Variants in NTRK2 observed in about 807,000 individuals in gnomAD.
NTRK2 encodes neurotrophic receptor tyrosine kinase 2, also known as BDNF/NT-3 growth factors receptor.
Under a neutral mutation model 94.5 loss-of-function variants are expected in NTRK2, and 13 were observed. The observed-to-expected ratio is 0.14, with a 90% confidence interval of 0.09 to 0.22. NTRK2 has a LOEUF of 0.22. Among genes scored for constraint, NTRK2 ranks in the 10% least tolerant of loss-of-function variants. The pLI is 1.00. For synonymous variants in NTRK2, 372 were observed against 407.4 expected (o/e 0.91, Z 1.05); for missense variants, 639 against 1,071.2 (o/e 0.60, Z 5.63).
intron 12 of NTRK2, among the ~76,000 whole-genome samples, chr9:84,843,160 T>G (rs2074278612): frequency 6.6e-6 from 1 of 152,188 alleles, no homozygotes; most frequent in Non-Finnish European, 1.5e-5. Flanking sequence ...TAGGTGCTAA[T>G]TCTTCCTACT....
intron 12 of NTRK2, among the ~76,000 whole-genome samples, chr9:84,800,242 G>T (rs1243155900): frequency 6.6e-6 from 1 of 151,104 alleles, no homozygotes; most frequent in Non-Finnish European, 1.5e-5. Context: ...TCGCTCTGTC[G>T]CCCAGGCTGG....
chr9:84,788,064 C>T (rs950956159), intron 12 of NTRK2, among the ~76,000 whole-genome samples: 5 of 152,116 alleles, frequency 3.3e-5, no homozygotes, highest in Admixed American at 2.6e-4. Flanking sequence ...AAAAGCTTGG[C>T]ATATGGTTTG....
intron 12 of NTRK2, among the ~76,000 whole-genome samples, chr9:84,859,269 C>T: frequency 6.6e-6 from 1 of 152,134 alleles, no homozygotes; most frequent in Non-Finnish European, 1.5e-5. Context: ...TTCAGCAATT[C>T]CTGTAAGGGG....
At chr9:84,834,409 A>G (rs547339219) in intron 12 of NTRK2, among the ~76,000 whole-genome samples, 1 of 152,256 alleles carries the variant, frequency 6.6e-6, no homozygotes, top group Admixed American at 6.5e-5. Flanking sequence ...TGTGCCCTGG[A>G]GGCTGCCCCC....
At chr9:84,694,046 G>T (rs1208186274) in intron 2 of NTRK2, among the ~76,000 whole-genome samples, 1 of 152,138 alleles carries the variant, frequency 6.6e-6, no homozygotes, top group Non-Finnish European at 1.5e-5. Flanking sequence ...ATTTGTAAAG[G>T]TCCATTGTGC....
chr9:84,947,693 A>G (rs1199226775), intron 15 of NTRK2, among the ~76,000 whole-genome samples: 1 of 152,252 alleles, frequency 6.6e-6, no homozygotes, highest in Non-Finnish European at 1.5e-5. Context: ...CTATTTGCCC[A>G]TAAGTGCCTG....
chr9:84,890,949 AT>A (rs1221568302), intron 14 of NTRK2, among the ~76,000 whole-genome samples: 3 of 152,190 alleles, frequency 2.0e-5, no homozygotes, highest in Non-Finnish European at 2.9e-5. Flanking sequence ...CTCAGATTTT[AT>A]TTTAAACATA....
At chr9:84,888,818 C>T (rs1474307963) in intron 14 of NTRK2, among the ~76,000 whole-genome samples, 2 of 151,308 alleles carry the variant, frequency 1.3e-5, no homozygotes, top group Non-Finnish European at 2.9e-5. Flanking sequence ...CACCTGACCC[C>T]AGAGACCTGC....
chr9:84,757,355 C>A (rs1296210406), intron 12 of NTRK2, among the ~76,000 whole-genome samples: 7 of 152,164 alleles, frequency 4.6e-5, no homozygotes, highest in African/African-American at 9.7e-5. Flanking sequence ...TGTAAACAAT[C>A]AAATATATGG....
At chr9:84,742,816 T>C (rs10868226) in intron 10 of NTRK2, among the ~76,000 whole-genome samples, 79,087 of 136,552 alleles carry the variant, frequency 0.58, 24,915 homozygotes, top group South Asian at 0.69. Flanking sequence ...TTTTTTTTTT[T>C]CCGAGACGGA....
intron 2 of NTRK2, among the ~76,000 whole-genome samples, chr9:84,685,368 T>C (rs975025314): frequency 2.0e-5 from 3 of 151,762 alleles, no homozygotes; most frequent in Non-Finnish European, 2.9e-5. Flanking sequence ...GCTTCTTCTT[T>C]TTTTTTTTTT....
chr9:84,812,318 G>A (rs200614920), intron 12 of NTRK2: 16 of 1,057,732 alleles, frequency 1.5e-5, no homozygotes, highest in Non-Finnish European at 1.7e-5. Context: ...CCTATGGATT[G>A]CAGCATTTCA....
At chr9:84,941,051 G>C (rs1211192193) in intron 15 of NTRK2, among the ~76,000 whole-genome samples, 5 of 152,152 alleles carry the variant, frequency 3.3e-5, no homozygotes, top group Admixed American at 6.5e-5. Flanking sequence ...AAAATAGTTT[G>C]TGTCAACATG....
At chr9:84,872,973 G>A in intron 14 of NTRK2, 2 of 1,064,592 alleles carry the variant, frequency 1.9e-6, no homozygotes, top group Non-Finnish European at 2.3e-6. Context: ...GAACCGCAGA[G>A]GTTTTGAACA....
At chr9:84,792,701 T>C (rs1328359572) in intron 12 of NTRK2, among the ~76,000 whole-genome samples, 1 of 151,034 alleles carries the variant, frequency 6.6e-6, no homozygotes, top group Admixed American at 6.6e-5. Flanking sequence ...GTCATCTCAA[T>C]TGATTCTTTC....
intron 14 of NTRK2, chr9:84,875,879 A>G (rs970463365): frequency 1.9e-6 from 2 of 1,039,414 alleles, no homozygotes; most frequent in African/African-American, 1.7e-5. Context: ...TATTTTGCAC[A>G]GTAATATTAA....
chr9:85,020,790 G>A (rs988093108), intron 18 of NTRK2, among the ~76,000 whole-genome samples: 5 of 152,054 alleles, frequency 3.3e-5, no homozygotes, highest in South Asian at 2.1e-4. Context: ...CTATTCTTAC[G>A]CTTGCAAATA....
intron 12 of NTRK2, among the ~76,000 whole-genome samples, chr9:84,783,165 G>A (rs2067768393): frequency 6.6e-6 from 1 of 152,172 alleles, no homozygotes; most frequent in Admixed American, 6.5e-5. Flanking sequence ...TCTCACAGAT[G>A]TTTATTTAGA....
chr9:84,805,120 G>C (rs1200478260), intron 12 of NTRK2, among the ~76,000 whole-genome samples: 1 of 152,212 alleles, frequency 6.6e-6, no homozygotes, highest in Non-Finnish European at 1.5e-5. Flanking sequence ...CTGCTGATTA[G>C]AGCACATTCC....
Sources: allele counts gnomAD v4.1 joint callset (sites outside exome capture counted in the v4.1 genomes callset), GRCh38; gene constraint gnomAD v4.1.1; transcripts MANE v1.5; gene names NCBI Gene and HGNC (gene_info 2026-07-23, HGNC 2026-07-21).